APOLD1: variants seen among roughly 807,000 people sequenced by gnomAD.
The protein encoded by APOLD1 is apolipoprotein L domain-containing protein 1.
In APOLD1, 22 loss-of-function variants were observed where a neutral mutation model predicts 15.3. The ratio of observed to expected loss-of-function variants is 1.44; its 90% CI spans 1.03 to 2.05. APOLD1 has a LOEUF of 2.05. Among genes scored for constraint, APOLD1 ranks in the 30% most tolerant of loss-of-function variants. The probability of loss-of-function intolerance (pLI) is 0.00; values close to 1 mark genes in which losing one functional copy is unlikely to be tolerated. For synonymous variants in APOLD1, 190 were observed against 167.4 expected (o/e 1.13, Z -1.04); for missense variants, 394 against 353.5 (o/e 1.11, Z -0.92).
At chr12:12,739,603 T>G (rs530131932) in intron 1 of APOLD1, among the ~76,000 whole-genome samples, 1 of 152,342 alleles carries the variant, frequency 6.6e-6, no homozygotes, top group South Asian at 2.1e-4. Context: ...AAAACCTTTT[T>G]TATTAACTTT....
intron 1 of APOLD1, chr12:12,771,644 G>C (rs1312310059): frequency 2.0e-6 from 1 of 498,896 alleles, no homozygotes; most frequent in Non-Finnish European, 4.0e-6. Flanking sequence ...TATTGTCAGA[G>C]TTCATTGAAA....
At chr12:12,729,998 A>T (rs1946623838) in intron 1 of APOLD1, among the ~76,000 whole-genome samples, 1 of 149,756 alleles carries the variant, frequency 6.7e-6, no homozygotes, top group African/African-American at 2.5e-5. Context: ...CTAGGGCTGT[A>T]GGTGCACACC....
upstream of APOLD1, among the ~76,000 whole-genome samples, chr12:12,782,277 AC>A (rs1947087161): frequency 1.3e-5 from 2 of 151,798 alleles, no homozygotes; most frequent in Admixed American, 6.6e-5. Context: ...AAACAAACAA[AC>A]AAACAAACAA....
rs1946762159 is a variant in APOLD1, at chr12:12,746,003, A to G, written c.96+19907A>G. The stretch of plus-strand genomic sequence containing the variant: ...GGCTGAGGTTCACACTACTTAGCAG[A>G]GCTAAATCCCCTGAATGCCATGTGG... On this transcript the variant is annotated intron_variant, in intron 1 of 1. Coordinates refer to the APOLD1 transcript ENST00000326765. Among the ~76,000 whole-genome samples the G allele has an allele frequency of 2.0e-5, 3 of 152,078 alleles. No homozygotes were observed. The South Asian group carries it at 6.2e-4, about 31-fold the overall frequency.
intron 1 of APOLD1, among the ~76,000 whole-genome samples, chr12:12,765,458 A>G (rs900020881): frequency 1.3e-5 from 2 of 152,186 alleles, no homozygotes; most frequent in Non-Finnish European, 2.9e-5. Flanking sequence ...GCACTGTTAC[A>G]CTTAAGGCGA....
chr12:12,771,672 C>T (rs1264707243), intron 1 of APOLD1: 1 of 471,172 alleles, frequency 2.1e-6, no homozygotes. Flanking sequence ...CTCTTGTCTC[C>T]TCTGGCTCCT....
intron 1 of APOLD1, among the ~76,000 whole-genome samples, chr12:12,728,978 AC>A (rs1487026966): frequency 2.0e-5 from 3 of 152,216 alleles, no homozygotes; most frequent in Admixed American, 1.3e-4. Context: ...ACCTCTTTAC[AC>A]TAAATTCTGA....
chr12:12,788,417 ATGGG>A lies in APOLD1; in HGVS notation c.*767_*770del, dbSNP rs936218132. 2.0e-5 allele frequency: 3 copies of A among 152,164 alleles called. No individual in the cohort carries two copies. Among genetic ancestry groups the A allele is most frequent in the Non-Finnish European group, 4.4e-5 (3 of 68,056 alleles). The allele number at this position is 152,164 out of a possible 1,614,324, so 9.4% of individuals were successfully genotyped here. A position where few individuals can be genotyped will look rare whatever the true frequency, so the allele number is the denominator to read the frequency against. Reference sequence around the variant, plus strand: ...ACATCATTGTGTTCAGAAGAGAGTGATGGGTTTTGAGTTAGACAGTCCTGGGCTT... The same window carrying A: ...ACATCATTGTGTTCAGAAGAGAGTGATTTTGAGTTAGACAGTCCTGGGCTT... On this transcript the variant is annotated 3_prime_UTR_variant, in exon 2 of 2. Coordinates refer to ENST00000356591, the MANE Select transcript of APOLD1 (RefSeq NM_030817.3).
intron 1 of APOLD1, among the ~76,000 whole-genome samples, chr12:12,749,966 G>C (rs1375493388): frequency 5.9e-5 from 9 of 152,122 alleles, no homozygotes; most frequent in Non-Finnish European, 1.3e-4. Flanking sequence ...TGGAGGCCCT[G>C]AAGGAAATGC....
chr12:12,770,980 C>G (rs990499767), intron 1 of APOLD1, among the ~76,000 whole-genome samples: 3 of 151,928 alleles, frequency 2.0e-5, no homozygotes, highest in African/African-American at 7.3e-5. Context: ...GAAAAAAATC[C>G]CACCAACCTA....
intron 1 of APOLD1, chr12:12,726,393 A>G: frequency 2.0e-6 from 1 of 492,766 alleles, no homozygotes; most frequent in South Asian, 1.8e-5. Context: ...TTCTTTTGAT[A>G]AAGCGTGTGT....
chr12:12,743,603 C>T (rs1310901862), intron 1 of APOLD1, among the ~76,000 whole-genome samples: 1 of 152,192 alleles, frequency 6.6e-6, no homozygotes, highest in Non-Finnish European at 1.5e-5. Flanking sequence ...GAATGCCCCC[C>T]TCCAAAGAGA....
rs577423767 is a variant in APOLD1, at chr12:12,786,902, C to A, written c.4-7C>A. Reference sequence around the variant, plus strand: ...TCCAGGCTGACCGCGTGTCTATGTCCCCGCAGGGAATGGAGAGGCCGGCGG... The same window carrying A: ...TCCAGGCTGACCGCGTGTCTATGTCACCGCAGGGAATGGAGAGGCCGGCGG... On this transcript the variant is annotated splice_polypyrimidine_tract_variant and splice_region_variant and intron_variant, in intron 1 of 1. Coordinates refer to ENST00000356591, the MANE Select transcript of APOLD1 (RefSeq NM_030817.3). 6,070 of 1,425,492 alleles carry A rather than the reference C, an allele frequency of 4.3e-3. 19 individuals carry two copies. The highest frequency in any genetic ancestry group is 5.2e-3 in the Middle Eastern group (23 of 4,402). 88.3% of individuals were successfully genotyped at this position (1,425,492 alleles called of 1,614,324 possible).
At chr12:12,761,821 G>A (rs2058606) in intron 1 of APOLD1, among the ~76,000 whole-genome samples, 113,615 of 138,618 alleles carry the variant, frequency 0.82, 46,569 homozygotes, top group East Asian at 0.89. Flanking sequence ...ATACATATAT[G>A]TATATGTATA....
At chr12:12,755,389 C>G (rs764099734) in intron 1 of APOLD1, among the ~76,000 whole-genome samples, 2 of 151,532 alleles carry the variant, frequency 1.3e-5, no homozygotes, top group African/African-American at 4.9e-5. Flanking sequence ...ATACCCAAAC[C>G]GTAAAGGAAA....
upstream of APOLD1, among the ~76,000 whole-genome samples, chr12:12,785,217 G>A (rs1947115016): frequency 6.6e-6 from 1 of 152,190 alleles, no homozygotes; most frequent in Non-Finnish European, 1.5e-5. Context: ...ATACAGCAGT[G>A]GAGTATGAGC....
intron 1 of APOLD1, among the ~76,000 whole-genome samples, chr12:12,727,446 C>G (rs1388511675): frequency 6.6e-6 from 1 of 152,120 alleles, no homozygotes; most frequent in Non-Finnish European, 1.5e-5. Context: ...CTGTTCAAGA[C>G]TATCACCTGT....
chr12:12,766,571 G>A (rs1946943842), intron 1 of APOLD1, among the ~76,000 whole-genome samples: 1 of 152,152 alleles, frequency 6.6e-6, no homozygotes, highest in Non-Finnish European at 1.5e-5. Context: ...GGGCCAGACA[G>A]GGTGACTGAC....
intron 1 of APOLD1, among the ~76,000 whole-genome samples, chr12:12,766,484 C>T (rs912704250): frequency 7.9e-5 from 12 of 152,094 alleles, no homozygotes; most frequent in African/African-American, 2.7e-4. Flanking sequence ...CATTGCCCCA[C>T]AGCTAAAAAA....
Sources: gnomAD v4.1 joint callset for allele counts (sites outside exome capture counted in the v4.1 genomes callset) on GRCh38, gnomAD v4.1.1 for gene constraint, MANE v1.5 for transcripts, NCBI Gene and HGNC (gene_info 2026-07-23, HGNC 2026-07-21) for gene names.